CHRDL1: variants seen among roughly 807,000 people sequenced by gnomAD.
CHRDL1 encodes the protein chordin-like protein 1.
In CHRDL1, 19 loss-of-function variants were observed where a neutral mutation model predicts 40.9. That is an observed-to-expected ratio of 0.46 (90% confidence interval 0.32 to 0.68). The LOEUF (loss-of-function observed/expected upper bound fraction) is 0.68, where lower values mean the gene tolerates loss of function less well. Among genes scored for constraint, CHRDL1 ranks in the 30% least tolerant of loss-of-function variants. The probability of loss-of-function intolerance (pLI) is 0.03; values close to 1 mark genes in which losing one functional copy is unlikely to be tolerated. For synonymous variants in CHRDL1, 136 were observed against 123.4 expected (o/e 1.10, Z -0.68); for missense variants, 329 against 352.1 (o/e 0.93, Z 0.53).
At chrX:110,686,099 A>G (rs1426161606) in intron 9 of CHRDL1, among the ~76,000 whole-genome samples, 2 of 108,909 alleles carry the variant, frequency 1.8e-5, no homozygotes, top group Non-Finnish European at 3.8e-5. Context: ...GTCTCATCAC[A>G]TTGCCCAGGC....
intron 4 of CHRDL1, among the ~76,000 whole-genome samples, chrX:110,730,946 C>T (rs951882598): frequency 2.7e-5 from 3 of 111,648 alleles, no homozygotes; most frequent in Non-Finnish European, 5.6e-5. Flanking sequence ...GGCCTCCCAC[C>T]CTTCGTTGCC....
Position 110,676,095 on chromosome X carries a change from G to T in CHRDL1, c.*136C>A. The T allele has an allele frequency of 3.4e-6, 2 of 592,959 alleles. No homozygotes were observed. The highest frequency in any genetic ancestry group is 5.2e-6 in the Non-Finnish European group (2 of 384,048). 48.9% of individuals were successfully genotyped at this position (592,959 alleles called of 1,213,427 possible). The stretch of plus-strand genomic sequence containing the variant: ...CACTCCACACAAAGGAGCAAATTAT[G>T]CTGTGCATGGCGTGAATAATTGACT... On this transcript the variant is annotated 3_prime_UTR_variant, in exon 12 of 12. Transcript: ENST00000372042.
At chrX:110,794,988 T>C (rs1443415110) in intron 1 of CHRDL1, among the ~76,000 whole-genome samples, 1 of 112,821 alleles carries the variant, frequency 8.9e-6, no homozygotes, top group African/African-American at 3.2e-5. Context: ...GTGTTGCCAC[T>C]GAAAATGGCA....
chrX:110,749,427 A>G (rs891429393), intron 4 of CHRDL1, among the ~76,000 whole-genome samples: 7 of 111,881 alleles, frequency 6.3e-5, no homozygotes, highest in African/African-American at 2.3e-4. Context: ...ACTGAGAGAT[A>G]CAGTACATAT....
At chrX:110,747,136 A>G (rs1183999966) in intron 4 of CHRDL1, among the ~76,000 whole-genome samples, 1 of 110,336 alleles carries the variant, frequency 9.1e-6, no homozygotes, top group African/African-American at 3.3e-5. Context: ...TTCCTTCCCA[A>G]AGGGGTTCCT....
chrX:110,793,465 A>C (rs1363963680), intron 1 of CHRDL1, among the ~76,000 whole-genome samples: 1 of 111,900 alleles, frequency 8.9e-6, no homozygotes, highest in East Asian at 2.8e-4. Context: ...TTCTCTCAGG[A>C]CATGTTCCTA....
intron 2 of CHRDL1, among the ~76,000 whole-genome samples, chrX:110,790,541 G>A (rs1247054652): frequency 7.2e-5 from 8 of 111,348 alleles, no homozygotes; most frequent in Non-Finnish European, 1.9e-5. Context: ...TATAAGGGAA[G>A]TTTCTCTCTA....
chrX:110,781,678 C>T (rs1416229885), intron 2 of CHRDL1, among the ~76,000 whole-genome samples: 1 of 111,017 alleles, frequency 9.0e-6, no homozygotes, highest in Non-Finnish European at 1.9e-5. Context: ...TGAAATAAAA[C>T]AAGCTATACA....
chrX:110,677,356 G>A (rs1438860157), intron 11 of CHRDL1, among the ~76,000 whole-genome samples: 3 of 111,289 alleles, frequency 2.7e-5, no homozygotes. Context: ...AATGTGCTGG[G>A]CTCTGCTAGG....
rs756852160 is a variant in CHRDL1, at chrX:110,703,244, T to C, written c.542-2523A>G. On this transcript the variant is annotated intron_variant, in intron 6 of 11. Transcript: ENST00000372042. ...GGATTCTGATGGATGCAGGAGTTTG[T>C]GAATAACCAGGCTGGAGCACTTAGC... Among the ~76,000 whole-genome samples the C allele has an allele frequency of 2.6e-4, 29 of 112,099 alleles. No individual in the cohort carries two copies. The South Asian group carries it at 7.8e-3, about 30-fold the overall frequency.
intron 8 of CHRDL1, among the ~76,000 whole-genome samples, chrX:110,691,146 C>T (rs1416692550): frequency 9.3e-6 from 1 of 107,479 alleles, no homozygotes; most frequent in African/African-American, 3.4e-5. Flanking sequence ...CCCGGGAAGT[C>T]GAGGCTGCAG....
intron 2 of CHRDL1, among the ~76,000 whole-genome samples, chrX:110,782,104 G>T (rs1023502708): frequency 1.8e-5 from 2 of 112,150 alleles, no homozygotes; most frequent in African/African-American, 3.2e-5. Context: ...AAAGCAGCCA[G>T]GGAACCAACT....
intron 2 of CHRDL1, among the ~76,000 whole-genome samples, chrX:110,781,527 A>G (rs2089942331): frequency 9.0e-6 from 1 of 111,698 alleles, no homozygotes; most frequent in Non-Finnish European, 1.9e-5. Flanking sequence ...CATAATATTT[A>G]CCTATTTAAA....
At chrX:110,770,917 TG>T in intron 2 of CHRDL1, among the ~76,000 whole-genome samples, 1 of 111,506 alleles carries the variant, frequency 9.0e-6, no homozygotes, top group African/African-American at 3.3e-5. Context: ...GAGGCCGAAG[TG>T]GGTGGATCAC....
At chrX:110,726,986 C>G (rs1475385497) in intron 4 of CHRDL1, among the ~76,000 whole-genome samples, 2 of 112,064 alleles carry the variant, frequency 1.8e-5, no homozygotes, top group East Asian at 5.6e-4. Context: ...CTTAAAGCTA[C>G]AAAGATAAAT....
At chrX:110,779,243 C>T (rs924829927) in intron 2 of CHRDL1, among the ~76,000 whole-genome samples, 2 of 110,792 alleles carry the variant, frequency 1.8e-5, no homozygotes, top group African/African-American at 6.5e-5. Flanking sequence ...TATCCCTGAA[C>T]CTAAACTAAA....
intron 7 of CHRDL1, among the ~76,000 whole-genome samples, chrX:110,698,103 C>T (rs962978517): frequency 9.0e-6 from 1 of 111,122 alleles, no homozygotes; most frequent in Non-Finnish European, 1.9e-5. Context: ...TGCTGGTTCC[C>T]GGTAAATAGG....
intron 10 of CHRDL1, 60 bp downstream of exon 10, chrX:110,681,422 T>C (rs2069893636): frequency 4.0e-6 from 4 of 1,003,698 alleles, no homozygotes; most frequent in Middle Eastern, 2.6e-4. Context: ...TTAAAGTGAG[T>C]CCTCTCATCC....
intron 2 of CHRDL1, among the ~76,000 whole-genome samples, chrX:110,784,458 C>T (rs1429027115): frequency 9.0e-6 from 1 of 111,332 alleles, no homozygotes; most frequent in East Asian, 2.8e-4. Context: ...GTCACCCAGG[C>T]TGGAGTGCAG....
Sources: gnomAD v4.1 joint callset for allele counts (sites outside exome capture counted in the v4.1 genomes callset) on GRCh38, gnomAD v4.1.1 for gene constraint, MANE v1.5 for transcripts, NCBI Gene and HGNC (gene_info 2026-07-23, HGNC 2026-07-21) for gene names.